Variants in ESYT2 observed in about 807,000 individuals in gnomAD.
ESYT2 encodes extended synaptotagmin-2.
Under a neutral mutation model 107.2 loss-of-function variants are expected in ESYT2, and 54 were observed. That is an observed-to-expected ratio of 0.50 (90% CI 0.40 to 0.63). The LOEUF is 0.63. ESYT2 is among the 30% of genes least tolerant of loss of function. The pLI, the probability that ESYT2 is intolerant of heterozygous loss-of-function variation, is 0.00. For synonymous variants in ESYT2, 491 were observed against 434.1 expected (o/e 1.13, Z -1.63); for missense variants, 1,020 against 1,094.5 (o/e 0.93, Z 0.96).
rs150491548 is a variant in ESYT2 at position 158,748,137 on chromosome 7, T to C, written c.1644+57A>G. Reference sequence around the variant, plus strand: ...ACGGGTCACAACTCAGCAAATTGTATACTTTAAAAAGTCAATTATTTGTCA... The same window carrying C: ...ACGGGTCACAACTCAGCAAATTGTACACTTTAAAAAGTCAATTATTTGTCA... On this transcript the variant is annotated intron_variant, in intron 16 of 22. Coordinates refer to ENST00000275418, the MANE Select transcript of ESYT2 (RefSeq NM_001367773.1). 15 of 1,529,350 alleles carry C rather than the reference T, an allele frequency of 9.8e-6. No homozygotes were observed. The Admixed American group carries it at 1.4e-4, about 14-fold the overall frequency. 94.7% of individuals were successfully genotyped at this position (1,529,350 alleles called of 1,614,324 possible). A position where few individuals can be genotyped will look rare whatever the true frequency, so the allele number is the denominator to read the frequency against.
intron 6 of ESYT2, among the ~76,000 whole-genome samples, chr7:158,783,853 G>A (rs958469387): frequency 5.3e-5 from 8 of 152,224 alleles, no homozygotes; most frequent in African/African-American, 1.9e-4. Flanking sequence ...TGCCACTGTA[G>A]AAGGGCACAA....
At position 158,829,379 on chromosome 7, in the gene ESYT2, C is replaced by G; in HGVS notation, c.40G>C (p.Gly14Arg). The G allele has an allele frequency of 8.0e-7, 1 of 1,256,144 alleles. No homozygotes were observed. The highest frequency in any genetic ancestry group is 9.9e-7 in the Non-Finnish European group (1 of 1,006,738). The allele number at this position is 1,256,144 out of a possible 1,614,324, so 77.8% of individuals were successfully genotyped here. A position where few individuals can be genotyped will look rare whatever the true frequency, so the allele number is the denominator to read the frequency against. Residue 14 changes from glycine to arginine, a missense_variant, in exon 1 of 23, where the codon GGC becomes CGC. Gly to Arg is a moderately radical substitution (Grantham distance 125, BLOSUM62 -2). Transcript: ENST00000275418. ...GGCGCCGCGCGGCCCCCAGCCCCGC[C>G]GGCGCCCGCCTCCGGGCCCTCGCCC... ...ARGEGPEAGA[G>R]GAGGRAAPEN...
intron 11 of ESYT2, among the ~76,000 whole-genome samples, chr7:158,760,738 AAATAGTATAC>A (rs1472010665): frequency 2.0e-5 from 3 of 152,210 alleles, no homozygotes; most frequent in Non-Finnish European, 1.5e-5. Context: ...TATACTAATA[AAATAGTATAC>A]AGTTGTATCA....
At chr7:158,805,776 T>C (rs1839807377) in intron 1 of ESYT2, among the ~76,000 whole-genome samples, 1 of 152,222 alleles carries the variant, frequency 6.6e-6, no homozygotes, top group Non-Finnish European at 1.5e-5. Flanking sequence ...AATGAGAAAT[T>C]TCACTAGGAA....
chr7:158,822,071 T>C (rs560443471), intron 1 of ESYT2, among the ~76,000 whole-genome samples: 24 of 152,254 alleles, frequency 1.6e-4, no homozygotes, highest in Middle Eastern at 3.4e-3. Context: ...TACACTTGTG[T>C]TGGCACAATC....
At chr7:158,783,901 A>C (rs1839015178) in intron 6 of ESYT2, among the ~76,000 whole-genome samples, 1 of 152,194 alleles carries the variant, frequency 6.6e-6, no homozygotes, top group African/African-American at 2.4e-5. Context: ...AAGGGACAGA[A>C]GCCATGGGGG....
rs113312099 is a variant in ESYT2 at position 158,803,143 on chromosome 7, T to C, written c.331-4071A>G. Among the ~76,000 whole-genome samples the C allele has an allele frequency of 2.1e-3, 313 of 152,358 alleles. 1 individual carries two copies. The highest frequency in any genetic ancestry group is 0.01 in the Middle Eastern group (3 of 294). On this transcript the variant is annotated intron_variant, in intron 1 of 22. Transcript: ENST00000275418. ...TGCCCTGGGGCAGGCCCCACCAGCATAGGTGGGGGCCAACGCGCCGTTCCC... is the reference window on the plus strand; with the variant it reads ...TGCCCTGGGGCAGGCCCCACCAGCACAGGTGGGGGCCAACGCGCCGTTCCC...
chr7:158,789,365 C>CT (rs953605068), intron 4 of ESYT2, among the ~76,000 whole-genome samples: 192 of 151,366 alleles, frequency 1.3e-3, no homozygotes, highest in African/African-American at 2.4e-3. Context: ...ATTTTCTTTT[C>CT]TTTTTTTTTG....
In ESYT2 at chr7:158,733,255, T is replaced by C. The variant is rs932910359; in HGVS notation, c.*952A>G. 1 of 152,204 alleles carries C rather than the reference T, an allele frequency of 6.6e-6. No homozygotes were observed. Among genetic ancestry groups the C allele is most frequent in the Non-Finnish European group, 1.5e-5 (1 of 68,044 alleles). 9.4% of individuals were successfully genotyped at this position (152,204 alleles called of 1,614,324 possible). A position where few individuals can be genotyped will look rare whatever the true frequency, so the allele number is the denominator to read the frequency against. ...TCCTGTCTACTCACTCCAATCTACC[T>C]CACAACCTTTAAAAGGACAACGTGT... On this transcript the variant is annotated 3_prime_UTR_variant, in exon 23 of 23. Coordinates refer to ENST00000275418, the MANE Select transcript of ESYT2 (RefSeq NM_001367773.1).
At chr7:158,754,800 C>CGT (rs1837697754) in intron 13 of ESYT2, among the ~76,000 whole-genome samples, 1 of 152,142 alleles carries the variant, frequency 6.6e-6, no homozygotes, top group Non-Finnish European at 1.5e-5. Context: ...GCACTGAAGC[C>CGT]GTGCCTGGGA....
chr7:158,825,109 A>G (rs1265017301), intron 1 of ESYT2, among the ~76,000 whole-genome samples: 4 of 152,208 alleles, frequency 2.6e-5, no homozygotes, highest in Non-Finnish European at 5.9e-5. Flanking sequence ...CCTGGCCAAC[A>G]TGGTGAAACC....
At chr7:158,739,380 CTT>C (rs1183504905) in intron 18 of ESYT2, among the ~76,000 whole-genome samples, 5 of 152,194 alleles carry the variant, frequency 3.3e-5, no homozygotes, top group African/African-American at 2.4e-5. Context: ...GAGTTTCACT[CTT>C]GTTGCCTAGG....
intron 1 of ESYT2, among the ~76,000 whole-genome samples, chr7:158,807,699 G>A (rs1225170836): frequency 2.0e-5 from 3 of 152,208 alleles, no homozygotes; most frequent in East Asian, 1.9e-4. Flanking sequence ...GGGCACTTAC[G>A]GGCCATGAGG....
At chr7:158,746,660 C>T (rs1294707627) in intron 16 of ESYT2, among the ~76,000 whole-genome samples, 3 of 152,076 alleles carry the variant, frequency 2.0e-5, no homozygotes, top group African/African-American at 7.2e-5. Context: ...AGTTGCTAAG[C>T]TAATAAATTA....
intron 3 of ESYT2, among the ~76,000 whole-genome samples, chr7:158,795,332 C>T (rs34073842): frequency 0.13 from 19,416 of 152,236 alleles, 1,397 homozygotes; most frequent in African/African-American, 0.2. Context: ...CCAAGGATTT[C>T]CTTATTCAGC....
intron 13 of ESYT2, among the ~76,000 whole-genome samples, chr7:158,756,990 C>T (rs890145367): frequency 1.4e-5 from 2 of 145,636 alleles, no homozygotes; most frequent in Non-Finnish European, 3.0e-5. Context: ...AAAAAATTTA[C>T]ATCTCACATT....
chr7:158,774,808 C>A (rs1838492572), intron 6 of ESYT2, among the ~76,000 whole-genome samples: 1 of 152,206 alleles, frequency 6.6e-6, no homozygotes, highest in Non-Finnish European at 1.5e-5. Context: ...AAGCACCTCA[C>A]ACAGCGCACC....
intron 1 of ESYT2, among the ~76,000 whole-genome samples, chr7:158,808,051 T>TAG (rs1280998315): frequency 1.3e-5 from 2 of 152,164 alleles, no homozygotes; most frequent in African/African-American, 4.8e-5. Flanking sequence ...CTTTTTTTAT[T>TAG]AGAAATACCC....
rs1351621715 is a variant in ESYT2, at chr7:158,741,402, T to C, written c.2168+121A>G. 7 of 1,398,838 alleles carry C rather than the reference T, an allele frequency of 5.0e-6. No homozygotes were observed. In the Admixed American group the frequency reaches 1.5e-4, roughly 30 times the overall value. The allele number at this position is 1,398,838 out of a possible 1,614,324, so 86.7% of individuals were successfully genotyped here. A position where few individuals can be genotyped will look rare whatever the true frequency, so the allele number is the denominator to read the frequency against. On this transcript the variant is annotated intron_variant, in intron 18 of 22. Transcript: ENST00000275418. ...GAAGTGCTTTCAGTTAACCTAAGATTAGGCCTCCCTCCCCAAAGCATGCCG... is the reference window on the plus strand; with the variant it reads ...GAAGTGCTTTCAGTTAACCTAAGATCAGGCCTCCCTCCCCAAAGCATGCCG...
Sources: gnomAD v4.1 joint callset for allele counts (sites outside exome capture counted in the v4.1 genomes callset) on GRCh38, gnomAD v4.1.1 for gene constraint, MANE v1.5 for transcripts, NCBI Gene and HGNC (gene_info 2026-07-23, HGNC 2026-07-21) for gene names.